Variants in SEPTIN10 observed in about 807,000 individuals in gnomAD.
SEPTIN10 encodes the protein septin-10.
A neutral mutation model predicts 54.8 loss-of-function variants in SEPTIN10; 66 were observed. The observed-to-expected ratio is 1.21, with a 90% CI of 0.99 to 1.48. SEPTIN10 has a LOEUF of 1.48. SEPTIN10 is among the 40% of genes most tolerant of loss of function. The probability of loss-of-function intolerance (pLI) is 0.00; values close to 1 mark genes in which losing one functional copy is unlikely to be tolerated. For missense variants in SEPTIN10, 620 were observed against 545.6 expected (o/e 1.14, Z -1.36); for synonymous variants, 161 against 181.0 (o/e 0.89, Z 0.89).
chr2:109,611,841 G>C (rs1699324652), intron 1 of SEPTIN10, among the ~76,000 whole-genome samples: 1 of 152,170 alleles, frequency 6.6e-6, no homozygotes. Flanking sequence ...CCAAATGCTG[G>C]TAAGGATGTG....
At chr2:109,562,228 A>T (rs1685823175) in intron 8 of SEPTIN10, among the ~76,000 whole-genome samples, 1 of 151,738 alleles carries the variant, frequency 6.6e-6, no homozygotes, top group Non-Finnish European at 1.5e-5. Context: ...TAATAATAAT[A>T]ATAATAAAAT....
chr2:109,571,686 A>C (rs991445657), intron 5 of SEPTIN10, among the ~76,000 whole-genome samples: 1 of 152,190 alleles, frequency 6.6e-6, no homozygotes, highest in East Asian at 1.9e-4. Flanking sequence ...ATTTTATATA[A>C]GGAATTTCAG....
At chr2:109,588,964 A>C (rs1693277985) in intron 2 of SEPTIN10, among the ~76,000 whole-genome samples, 1 of 152,112 alleles carries the variant, frequency 6.6e-6, no homozygotes, top group Non-Finnish European at 1.5e-5. Flanking sequence ...GAAGAAAATG[A>C]AAGGACAATG....
Sources: allele counts gnomAD v4.1 joint callset (sites outside exome capture counted in the v4.1 genomes callset), GRCh38; gene constraint gnomAD v4.1.1; transcripts MANE v1.5; gene names NCBI Gene and HGNC (gene_info 2026-07-23, HGNC 2026-07-21).